Variants in ARL6 observed in about 807,000 individuals in gnomAD.
The protein encoded by ARL6 is ADP-ribosylation factor-like protein 6.
Under a neutral mutation model 27.1 loss-of-function variants are expected in ARL6, and 18 were observed. That is an observed-to-expected ratio of 0.66 (90% CI 0.46 to 0.98). The LOEUF is 0.98. ARL6 is among the 50% of genes least tolerant of loss of function. ARL6 has a pLI of 0.00. For missense variants in ARL6, 187 were observed against 214.9 expected (o/e 0.87, Z 0.81); for synonymous variants, 65 against 72.3 (o/e 0.90, Z 0.51).
intron 5 of ARL6, among the ~76,000 whole-genome samples, chr3:97,787,460 C>G (rs1011355153): frequency 1.9e-4 from 29 of 152,218 alleles, no homozygotes; most frequent in African/African-American, 6.0e-4. Flanking sequence ...GATTCTTTTA[C>G]TGTATGCCAT....
At chr3:97,773,948 G>T (rs1298050506) in intron 2 of ARL6, among the ~76,000 whole-genome samples, 1 of 152,086 alleles carries the variant, frequency 6.6e-6, no homozygotes, top group East Asian at 1.9e-4. Context: ...ATTCCTGGAG[G>T]GTCTGGTCCA....
intron 7 of ARL6, among the ~76,000 whole-genome samples, chr3:97,796,117 A>G (rs1559695628): frequency 6.6e-6 from 1 of 152,220 alleles, no homozygotes; most frequent in South Asian, 2.1e-4. Flanking sequence ...TTTAGTGTTC[A>G]CTTATACATA....
intron 1 of ARL6, among the ~76,000 whole-genome samples, chr3:97,767,113 T>C (rs556070648): frequency 2.6e-5 from 4 of 152,300 alleles, no homozygotes; most frequent in African/African-American, 9.6e-5. Context: ...GGATTGCTGA[T>C]AGTTTTTTTT....
At chr3:97,776,368 CTTA>C (rs2036901773) in intron 2 of ARL6, among the ~76,000 whole-genome samples, 1 of 151,650 alleles carries the variant, frequency 6.6e-6, no homozygotes, top group Non-Finnish European at 1.5e-5. Context: ...ATAGTTGGGT[CTTA>C]TTTTTTTTTA....
At chr3:97,767,519 TAACC>T (rs2036440555) in intron 1 of ARL6, among the ~76,000 whole-genome samples, 1 of 133,740 alleles carries the variant, frequency 7.5e-6, no homozygotes, top group African/African-American at 2.5e-5. Flanking sequence ...AAACTGGAAA[TAACC>T]AAGCAAGCAA....
intron 2 of ARL6, among the ~76,000 whole-genome samples, chr3:97,776,380 T>A (rs1323482412): frequency 1.3e-5 from 2 of 152,194 alleles, no homozygotes; most frequent in Non-Finnish European, 2.9e-5. Context: ...TATTTTTTTT[T>A]AATCCATTCA....
At chr3:97,773,246 G>A (rs2036726198) in intron 2 of ARL6, among the ~76,000 whole-genome samples, 1 of 152,160 alleles carries the variant, frequency 6.6e-6, no homozygotes, top group African/African-American at 2.4e-5. Context: ...CGTAGGCTGG[G>A]AGGCTAAGCC....
At chr3:97,785,802 G>A (rs2108058236) in intron 5 of ARL6, among the ~76,000 whole-genome samples, 1 of 152,196 alleles carries the variant, frequency 6.6e-6, no homozygotes, top group African/African-American at 2.4e-5. Context: ...GTGGAACTCT[G>A]CATTTCTAGC....
At chr3:97,768,878 A>G (rs779960481) in intron 2 of ARL6, among the ~76,000 whole-genome samples, 1 of 151,790 alleles carries the variant, frequency 6.6e-6, no homozygotes, top group Non-Finnish European at 1.5e-5. Flanking sequence ...TTTTATGGTA[A>G]TGGTAACAGC....
chr3:97,789,725 A>G (rs928461550), intron 6 of ARL6, among the ~76,000 whole-genome samples: 1 of 152,066 alleles, frequency 6.6e-6, no homozygotes, highest in Non-Finnish European at 1.5e-5. Flanking sequence ...TATCTCATTT[A>G]TTTGTTTTGT....
intron 7 of ARL6, among the ~76,000 whole-genome samples, chr3:97,795,216 ATAGAC>A (rs1309480230): frequency 6.6e-6 from 1 of 152,256 alleles, no homozygotes; most frequent in Non-Finnish European, 1.5e-5. Context: ...AGAACACTGA[ATAGAC>A]TAGGAAGTAT....
chr3:97,793,792 C>T (rs760972394), intron 7 of ARL6, among the ~76,000 whole-genome samples: 2 of 151,604 alleles, frequency 1.3e-5, no homozygotes, highest in Non-Finnish European at 2.9e-5. Flanking sequence ...ACTTTATGTA[C>T]CCTTTACAAT....
chr3:97,790,774 C>T (rs2037695910), intron 6 of ARL6, among the ~76,000 whole-genome samples: 1 of 151,904 alleles, frequency 6.6e-6, no homozygotes, highest in African/African-American at 2.4e-5. Context: ...CTTAGTCTAA[C>T]AAGTAATTTC....
intron 6 of ARL6, among the ~76,000 whole-genome samples, chr3:97,788,730 C>T (rs1020729195): frequency 1.2e-4 from 18 of 152,268 alleles, no homozygotes; most frequent in Non-Finnish European, 2.2e-4. Context: ...AGGTTGAACT[C>T]TTAAGTAATT....
rs545133106 is a variant in ARL6 at position 97,771,243 on chromosome 3, A to G, written c.123+3013A>G. On this transcript the variant is annotated intron_variant, in intron 2 of 7. Coordinates refer to ENST00000463745, the MANE Select transcript of ARL6 (RefSeq NM_001278293.3). ...ATTGTAGAGATCTTTGGTTGGATTT[A>G]TTCTTAAGTATTTTATATTTTTTAT... Among the ~76,000 whole-genome samples the G allele has an allele frequency of 8.6e-5, 13 of 151,866 alleles. No homozygotes were observed. The East Asian group carries it at 2.5e-3, about 29-fold the overall frequency.
At chr3:97,797,279 G>A (rs969878940) in intron 7 of ARL6, among the ~76,000 whole-genome samples, 5 of 152,158 alleles carry the variant, frequency 3.3e-5, no homozygotes, top group African/African-American at 1.2e-4. Context: ...TGGGAGTGGT[G>A]CAATTGAATT....
rs1339279553 is a variant in ARL6 at position 97,791,965 on chromosome 3, A to G, written c.535+139A>G. On this transcript the variant is annotated intron_variant, in intron 7 of 7. Coordinates refer to ENST00000463745, the MANE Select transcript of ARL6 (RefSeq NM_001278293.3). ...TTTCTGCTATCAGAAAAAACAATAC[A>G]GTAAGTATCCAATACCTTGTTCCAT... 5 of 730,876 alleles carry G rather than the reference A, an allele frequency of 6.8e-6. No homozygotes were observed. The Admixed American group carries it at 7.4e-5, about 11-fold the overall frequency. The allele number at this position is 730,876 out of a possible 1,614,324, so 45.3% of individuals were successfully genotyped here. A position where few individuals can be genotyped will look rare whatever the true frequency, so the allele number is the denominator to read the frequency against.
chr3:97,765,524 G>A (rs2036338484), intron 1 of ARL6, among the ~76,000 whole-genome samples: 1 of 152,108 alleles, frequency 6.6e-6, no homozygotes, highest in Non-Finnish European at 1.5e-5. Context: ...AATTTGGCTG[G>A]TGTGCAAAGA....
At chr3:97,772,553 G>A (rs1346394052) in intron 2 of ARL6, among the ~76,000 whole-genome samples, 1 of 148,256 alleles carries the variant, frequency 6.7e-6, no homozygotes. Flanking sequence ...ATTAATTTTG[G>A]TTTAGATTTG....
Sources: gnomAD v4.1 joint callset for allele counts (sites outside exome capture counted in the v4.1 genomes callset) on GRCh38, gnomAD v4.1.1 for gene constraint, MANE v1.5 for transcripts, NCBI Gene and HGNC (gene_info 2026-07-23, HGNC 2026-07-21) for gene names.